The following CASKIN2 variants were observed in gnomAD, a reference collection of about 807,000 sequenced individuals.
CASKIN2 encodes caskin-2.
A neutral mutation model predicts 107.1 loss-of-function variants in CASKIN2; 41 were observed. The ratio of observed to expected loss-of-function variants is 0.38; its 90% CI spans 0.30 to 0.50. The LOEUF (loss-of-function observed/expected upper bound fraction) is 0.50. Among genes scored for constraint, CASKIN2 ranks in the 20% least tolerant of loss-of-function variants. CASKIN2 has a pLI of 0.92. For synonymous variants in CASKIN2, 724 were observed against 705.6 expected, an observed-to-expected ratio of 1.03 and a Z score of -0.41; for missense variants, 1,546 against 1,657.4, an observed-to-expected ratio of 0.93 and a Z score of 1.17.
intron 19 of CASKIN2, 142 bp from the exon 20 acceptor site, chr17:75,501,312 C>G (rs2053178833): frequency 1.7e-6 from 2 of 1,187,492 alleles, no homozygotes; most frequent in Non-Finnish European, 2.4e-6. Flanking sequence ...TGGTAGCCAC[C>G]AGGATTCCCT....
chr17:75,501,168 G>A lies in CASKIN2; in HGVS notation c.3521C>T (p.Thr1174Ile), dbSNP rs991716824. 5 of 1,584,386 alleles carry A rather than the reference G, an allele frequency of 3.2e-6. No homozygotes were observed. The highest frequency in any genetic ancestry group is 4.3e-6 in the Non-Finnish European group (5 of 1,165,272). Reference sequence around the variant, plus strand: ...AATGTGCTTGGTGGAGGCGCTGGGGGTGCTGCAGCAAGGGGAAGGATGCGG... The same window carrying A: ...AATGTGCTTGGTGGAGGCGCTGGGGATGCTGCAGCAAGGGGAAGGATGCGG... ...KSIGTKEQEGTPSASTKHILD... is the reference protein window; with the variant it reads ...KSIGTKEQEGIPSASTKHILD... The change falls in exon 20 of 20, where the codon ACC (threonine) becomes ATC (isoleucine). Residue 1174 changes from threonine (T) to isoleucine (I), a missense_variant and splice_region_variant. By Grantham distance (89) the Thr-to-Ile change is moderately conservative. This residue lies in a region of CASKIN2 where 1,311 missense variants were observed against 1,311.0 expected (regional missense o/e 1.00). Transcript: ENST00000321617.
intron 4 of CASKIN2, 69 bp from the exon 5 acceptor site, chr17:75,507,198 A>G (rs1051439334): frequency 4.0e-6 from 6 of 1,513,844 alleles, no homozygotes; most frequent in Non-Finnish European, 5.3e-6. Flanking sequence ...AACTGAGCAG[A>G]GTACGGAGCC....
At position 75,506,650 on chromosome 17, in the gene CASKIN2, G is replaced by A. The variant is rs2053269068; in HGVS notation, c.550C>T (p.Pro184Ser). ...GGCGTGGTGTAGTTGGGGTCACACG[G>A]GTCTTTGGCCTCACCCTCCAGCAGT... is the stretch of plus-strand genomic sequence containing the variant. The part of the protein sequence containing the change: ...VALLEGEAKD[P>S]CDPNYTTPLH... The change falls in exon 7 of 20, where the codon CCG becomes TCG. Residue 184 changes from proline to serine, a missense_variant. Pro to Ser is a moderately conservative substitution (Grantham distance 74). This residue lies in a region of CASKIN2 where 31 missense variants were observed against 28.7 expected (regional missense o/e 1.08). Transcript: ENST00000321617. The surrounding 1 kb of genome is among the most constrained non-coding windows in gnomAD (Gnocchi z 4.8). 3 of 1,613,298 alleles carry A rather than the reference G, an allele frequency of 1.9e-6. No homozygotes were observed. Among genetic ancestry groups the A allele is most frequent in the Non-Finnish European group, 2.5e-6 (3 of 1,179,948 alleles).
Position 75,502,721 on chromosome 17 carries a change from G to A in CASKIN2, c.2353C>T (p.Pro785Ser), listed in dbSNP as rs760772010. Residue 785 changes from proline (P) to serine (S), a missense_variant, in exon 18 of 20, where the codon CCT (proline) becomes TCT (serine). Physicochemically the swap from Pro to Ser is moderately conservative, Grantham distance 74 (BLOSUM62 -1). Around this residue, in one of 6 missense-constraint regions of CASKIN2, gnomAD observed 1,311 missense variants for 1,311.0 expected, o/e 1.00. Transcript: ENST00000321617. This position sits in a 1 kb window ranked among gnomAD's most constrained non-coding sequence, Gnocchi z 4.3. ...PWAFSYLAGPPATPPDPPRPK... is the reference protein window; with the variant it reads ...PWAFSYLAGPSATPPDPPRPK... Reference sequence around the variant, plus strand: ...CGAGGCGGGTCTGGGGGAGTGGCAGGGGGCCCGGCCAAGTAGGAGAAGGCC... The same window carrying A: ...CGAGGCGGGTCTGGGGGAGTGGCAGAGGGCCCGGCCAAGTAGGAGAAGGCC... The A allele has an allele frequency of 1.1e-5, 17 of 1,579,614 alleles. No individual in the cohort carries two copies. The highest frequency in any genetic ancestry group is 1.5e-5 in the Non-Finnish European group (17 of 1,161,212).
chr17:75,505,017 C>T lies in CASKIN2; in HGVS notation c.987G>A (p.Arg329=). ...GGAAGTAGCCTATGCGGTCTGTGCCCCTCTGGCTCTCGTGGATGTGGCCCT... is the reference window on the plus strand; with the variant it reads ...GGAAGTAGCCTATGCGGTCTGTGCCTCTCTGGCTCTCGTGGATGTGGCCCT... The part of the protein sequence containing the change: ...RWKGHIHESQ[R]GTDRIGYFPP... The change falls in exon 11 of 20, where the codon AGG becomes AGA. Residue 329 remains arginine, a synonymous_variant. Coordinates refer to ENST00000321617, the MANE Select transcript of CASKIN2 (RefSeq NM_020753.5). This position sits in a 1 kb window ranked among gnomAD's most constrained non-coding sequence, Gnocchi z 5.1. 2 of 1,612,262 alleles carry T rather than the reference C, an allele frequency of 1.2e-6. No individual in the cohort carries two copies. The highest frequency in any genetic ancestry group is 1.7e-6 in the Non-Finnish European group (2 of 1,179,816).
Position 75,502,107 on chromosome 17 carries a change from A to C in CASKIN2, c.2967T>G (p.Thr989=). 6.2e-7 allele frequency: 1 copy of C among 1,605,406 alleles called. No individual in the cohort carries two copies. Among genetic ancestry groups the C allele is most frequent in the East Asian group, 2.2e-5 (1 of 44,662 alleles). ...CCCGGCACTTGGGCCTCCGCTTAAC[A>C]GTGTCTGATTCCGTGAGGTTGAAAT... The part of the protein sequence containing the change: ...GLDFNLTESD[T]VKRRPKCRER... Residue 989 remains threonine, a synonymous_variant, in exon 18 of 20, where the codon ACT becomes ACG. Coordinates refer to ENST00000321617, the MANE Select transcript of CASKIN2 (RefSeq NM_020753.5). The surrounding 1 kb of genome is among the most constrained non-coding windows in gnomAD (Gnocchi z 4.3).
chr17:75,500,942 G>C lies in CASKIN2; in HGVS notation c.*138C>G, dbSNP rs1598460429. 1.3e-6 allele frequency: 1 copy of C among 784,944 alleles called. No homozygotes were observed. Among genetic ancestry groups the C allele is most frequent in the Admixed American group, 2.3e-5 (1 of 43,988 alleles). The allele number at this position is 784,944 out of a possible 1,614,324, so 48.6% of individuals were successfully genotyped here. A position where few individuals can be genotyped will look rare whatever the true frequency, so the allele number is the denominator to read the frequency against. ...GCTGTGGTGCCCACAGCCGCGGGCT[G>C]AGTGGGAAGGGGCCCTGCTAGGAGG... On this transcript the variant is annotated 3_prime_UTR_variant, in exon 20 of 20. Coordinates refer to ENST00000321617, the MANE Select transcript of CASKIN2 (RefSeq NM_020753.5).
chr17:75,501,624 G>A lies in CASKIN2; in HGVS notation c.3362C>T (p.Pro1121Leu). The change falls in exon 19 of 20, where the codon CCC becomes CTC. Residue 1121 changes from proline to leucine, a missense_variant. Coordinates refer to ENST00000321617, the MANE Select transcript of CASKIN2 (RefSeq NM_020753.5). The part of the protein sequence containing the change: ...QLAFSGPKLA[P>L]RLGPRPVPPP... ...AGGCACTGGGCGGGGGCCGAGCCGG[G>A]GCGCTAGCTTAGGGCCAGAAAATGC... 1 of 1,600,018 alleles carries A rather than the reference G, an allele frequency of 6.2e-7. No individual in the cohort carries two copies. Among genetic ancestry groups the A allele is most frequent in the Non-Finnish European group, 8.5e-7 (1 of 1,172,728 alleles).
Position 75,504,258 on chromosome 17 carries a change from A to G in CASKIN2, c.1424T>C (p.Ile475Thr), listed in dbSNP as rs1426649160. 1.9e-6 allele frequency: 3 copies of G among 1,605,374 alleles called. No individual in the cohort carries two copies. The East Asian group carries it at 6.8e-5, about 36-fold the overall frequency. ...TTCTGGCCGCACGTCCTGGGTGAAGATCTGCTCCCCAGAGCGGCAGTTGGC... is the reference window on the plus strand; with the variant it reads ...TTCTGGCCGCACGTCCTGGGTGAAGGTCTGCTCCCCAGAGCGGCAGTTGGC... ...PLANCRSGEQ[I>T]FTQDVRPEQL... The change falls in exon 14 of 20, where the codon ATC becomes ACC. Residue 475 changes from isoleucine (I) to threonine (T), a missense_variant. Transcript: ENST00000321617.
Position 75,502,390 on chromosome 17 carries a change from G to T in CASKIN2, c.2684C>A (p.Pro895His). The T allele has an allele frequency of 6.8e-7, 1 of 1,479,516 alleles. No homozygotes were observed. The allele number at this position is 1,479,516 out of a possible 1,614,324, so 91.6% of individuals were successfully genotyped here. The change falls in exon 18 of 20, where the codon CCC becomes CAC. Residue 895 changes from proline (P) to histidine (H), a missense_variant. By Grantham distance (77) the Pro-to-His change is moderately conservative. This residue lies in a region of CASKIN2 where 1,311 missense variants were observed against 1,311.0 expected (regional missense o/e 1.00). Coordinates refer to ENST00000321617, the MANE Select transcript of CASKIN2 (RefSeq NM_020753.5). This position sits in a 1 kb window ranked among gnomAD's most constrained non-coding sequence, Gnocchi z 4.3. Reference protein sequence around the residue: ...EPPPLDESPGPKEGATGPRRR... With the variant: ...EPPPLDESPGHKEGATGPRRR... ...TCGGGGCCCTGTGGCCCCTTCCTTGGGCCCTGGGCTCTCATCTAGTGGAGG... is the reference window on the plus strand; with the variant it reads ...TCGGGGCCCTGTGGCCCCTTCCTTGTGCCCTGGGCTCTCATCTAGTGGAGG...
rs1249640513 is a variant in CASKIN2 at position 75,503,702 on chromosome 17, ATC to A, written c.1635_1636del (p.Glu545AspfsTer141). 1 of 1,612,506 alleles carries A rather than the reference ATC, an allele frequency of 6.2e-7. No homozygotes were observed. On this transcript the variant is annotated frameshift_variant, in exon 16 of 20. Coordinates refer to ENST00000321617, the MANE Select transcript of CASKIN2 (RefSeq NM_020753.5). LOFTEE classifies it high-confidence loss of function. The stretch of plus-strand genomic sequence containing the variant: ...CCACTCGGCGATGCTGAGCTGAGCG[ATC>A]TCTGAGGCGATCTTCTTCCTGTGCC...
Position 75,505,009 on chromosome 17 carries a change from T to G in CASKIN2, c.995A>C (p.Asp332Ala), listed in dbSNP as rs12603476. The change falls in exon 11 of 20, where the codon GAC (aspartate) becomes GCC (alanine). Residue 332 changes from aspartate (D) to alanine (A), a missense_variant. Physicochemically the swap from Asp to Ala is moderately radical, Grantham distance 126. Around this residue, in one of 6 missense-constraint regions of CASKIN2, gnomAD observed 1,311 missense variants for 1,311.0 expected, o/e 1.00. Transcript: ENST00000321617. The surrounding 1 kb of genome is among the most constrained non-coding windows in gnomAD (Gnocchi z 5.1). The part of the protein sequence containing the change: ...GHIHESQRGT[D>A]RIGYFPPGIV... The stretch of plus-strand genomic sequence containing the variant: ...GCCCGGGGGGAAGTAGCCTATGCGG[T>G]CTGTGCCCCTCTGGCTCTCGTGGAT... 2 of 1,592,586 alleles carry G rather than the reference T, an allele frequency of 1.3e-6. No homozygotes were observed. Among genetic ancestry groups the G allele is most frequent in the Non-Finnish European group, 1.7e-6 (2 of 1,168,128 alleles).
rs776172070 is a variant in CASKIN2, at chr17:75,502,392, C to A, written c.2682G>T (p.Gly894=). 6.7e-7 allele frequency: 1 copy of A among 1,481,486 alleles called. No individual in the cohort carries two copies. Among genetic ancestry groups the A allele is most frequent in the Non-Finnish European group, 8.9e-7 (1 of 1,117,594 alleles). 91.8% of individuals were successfully genotyped at this position (1,481,486 alleles called of 1,614,324 possible). The part of the protein sequence containing the change: ...PEPPPLDESP[G]PKEGATGPRR... ...GGGGCCCTGTGGCCCCTTCCTTGGGCCCTGGGCTCTCATCTAGTGGAGGTG... is the reference window on the plus strand; with the variant it reads ...GGGGCCCTGTGGCCCCTTCCTTGGGACCTGGGCTCTCATCTAGTGGAGGTG... Residue 894 remains glycine (G), a synonymous_variant, in exon 18 of 20, where the codon GGG becomes GGT. Transcript: ENST00000321617. This position sits in a 1 kb window ranked among gnomAD's most constrained non-coding sequence, Gnocchi z 4.3.
At position 75,506,722 on chromosome 17, in the gene CASKIN2, C is replaced by T. The variant is rs1245618608; in HGVS notation, c.487-9G>A. ...AGAAGCAGCTGGGCCACCTGCAGCA[C>T]CCAGTGCCCAGTTAGAGCCTCCTCC... On this transcript the variant is annotated splice_polypyrimidine_tract_variant and intron_variant, in intron 6 of 19. Coordinates refer to ENST00000321617, the MANE Select transcript of CASKIN2 (RefSeq NM_020753.5). This position sits in a 1 kb window ranked among gnomAD's most constrained non-coding sequence, Gnocchi z 4.8. 6.2e-7 allele frequency: 1 copy of T among 1,613,582 alleles called. No homozygotes were observed. Among genetic ancestry groups the T allele is most frequent in the Non-Finnish European group, 8.5e-7 (1 of 1,179,990 alleles).
Position 75,507,681 on chromosome 17 carries a change from T to A in CASKIN2, c.147A>T (p.Gly49=). The part of the protein sequence containing the change: ...RLNVNYQDAD[G]FSALHHAALG... ...AAGCAGCGTGGTGGAGGGCAGAGAA[T>A]CTGATGTGGGAGGACACAAAGTTAG... Residue 49 remains glycine (G), a splice_region_variant and synonymous_variant, in exon 4 of 20, where the codon GGA becomes GGT. Coordinates refer to ENST00000321617, the MANE Select transcript of CASKIN2 (RefSeq NM_020753.5). The A allele has an allele frequency of 6.2e-7, 1 of 1,610,862 alleles. No individual in the cohort carries two copies. The highest frequency in any genetic ancestry group is 8.5e-7 in the Non-Finnish European group (1 of 1,178,252).
In CASKIN2 at chr17:75,502,164, C is replaced by A; in HGVS notation, c.2910G>T (p.Pro970=). 6.2e-7 allele frequency: 1 copy of A among 1,600,036 alleles called. No individual in the cohort carries two copies. The highest frequency in any genetic ancestry group is 1.7e-4 in the Middle Eastern group (1 of 6,046). The change falls in exon 18 of 20, where the codon CCG becomes CCT. Residue 970 remains proline, a synonymous_variant. Transcript: ENST00000321617. The surrounding 1 kb of genome is among the most constrained non-coding windows in gnomAD (Gnocchi z 4.3). ...CGGGGGGCACGGGTGTCTCTCGGGG[C>A]GGGGGGCCAGCGGGCTTCGGGCGCT... ...IKQRPKPAGP[P]PRETPVPPGL...
chr17:75,510,012 G>A (rs189979769), intron 2 of CASKIN2: 1 of 713,402 alleles, frequency 1.4e-6, no homozygotes. Context: ...CCTGGCAGGA[G>A]GGCAGAGGGT....
intron 2 of CASKIN2, chr17:75,509,449 G>C (rs931140025): frequency 1.3e-5 from 6 of 450,092 alleles, no homozygotes; most frequent in Non-Finnish European, 1.8e-5. Flanking sequence ...CCTGGCAGTA[G>C]GGAACATGGC....
Position 75,501,463 on chromosome 17 carries a change from C to G in CASKIN2, c.3518+5G>C, listed in dbSNP as rs1259941224. ...TTCTCTCCCTCCCCATCCGGCCCCC[C>G]TCACCCCTCTTGCTCCTTGGTGCCA... On this transcript the variant is annotated splice_donor_5th_base_variant and intron_variant, in intron 19 of 19. Transcript: ENST00000321617. 6 of 1,604,498 alleles carry G rather than the reference C, an allele frequency of 3.7e-6. No individual in the cohort carries two copies. Among genetic ancestry groups the G allele is most frequent in the African/African-American group, 1.3e-5 (1 of 74,880 alleles).
Sources: gnomAD v4.1 joint callset for allele counts on GRCh38, gnomAD v4.1.1 for gene constraint, gnomAD v4.1.1 regional missense constraint, Gnocchi (gnomAD v3.1) non-coding constraint, MANE v1.5 for transcripts, NCBI Gene and HGNC (gene_info 2026-07-23, HGNC 2026-07-21) for gene names.